CCDC85C: variants seen among roughly 807,000 people sequenced by gnomAD.
CCDC85C encodes the protein coiled-coil domain-containing protein 85C.
In CCDC85C, 18 loss-of-function variants were observed where a neutral mutation model predicts 38.3. The observed-to-expected ratio is 0.47, with a 90% CI of 0.33 to 0.70. CCDC85C has a LOEUF of 0.70. CCDC85C is among the 30% of genes least tolerant of loss of function. The pLI, the probability that CCDC85C is intolerant of heterozygous loss-of-function variation, is 0.03. For synonymous variants in CCDC85C, 264 were observed against 293.8 expected (o/e 0.90, Z 1.04); for missense variants, 566 against 621.2 (o/e 0.91, Z 0.94).
rs1395271036 is a variant in CCDC85C at position 99,503,666 on chromosome 14, T to C, written c.*11580A>G. ...GCAGGTAATTTCCTGTTCTGATGTT[T>C]TTTTAGTTTTATGTGTTTATATGCA... On this transcript the variant is annotated 3_prime_UTR_variant, in exon 6 of 6. Transcript: ENST00000380243. 2 of 1,548,756 alleles carry C rather than the reference T, an allele frequency of 1.3e-6. No homozygotes were observed. Among genetic ancestry groups the C allele is most frequent in the Non-Finnish European group, 1.7e-6 (2 of 1,144,550 alleles).
intron 2 of CCDC85C, chr14:99,522,508 AT>A: frequency 5.1e-5 from 16 of 316,100 alleles, no homozygotes; most frequent in South Asian, 1.3e-4. Context: ...GAATGAATGA[AT>A]GAAGAAGAGC....
At chr14:99,562,685 G>A (rs926325941) in intron 1 of CCDC85C, among the ~76,000 whole-genome samples, 2 of 152,188 alleles carry the variant, frequency 1.3e-5, no homozygotes, top group African/African-American at 4.8e-5. Flanking sequence ...CACGGAAACA[G>A]AAGGTCACAA....
intron 4 of CCDC85C, 53 bp downstream of exon 4, chr14:99,517,035 C>T: frequency 6.7e-7 from 1 of 1,491,030 alleles, no homozygotes; most frequent in Non-Finnish European, 9.2e-7. Flanking sequence ...CCCACAGTCT[C>T]ACAGTGCACC....
intron 1 of CCDC85C, among the ~76,000 whole-genome samples, chr14:99,587,070 C>T (rs2055035077): frequency 6.6e-6 from 1 of 152,226 alleles, no homozygotes. Flanking sequence ...CCCATCCCAC[C>T]ATCCTGAGGT....
At chr14:99,582,796 A>G (rs1422172420) in intron 1 of CCDC85C, among the ~76,000 whole-genome samples, 1 of 152,188 alleles carries the variant, frequency 6.6e-6, no homozygotes, top group Non-Finnish European at 1.5e-5. Flanking sequence ...CCTGGGTGAT[A>G]GAGCAAGACT....
chr14:99,577,677 C>T (rs1409722580), intron 1 of CCDC85C, among the ~76,000 whole-genome samples: 1 of 143,696 alleles, frequency 7.0e-6, no homozygotes, highest in Non-Finnish European at 1.5e-5. Context: ...CATCCCCCAT[C>T]AGTGTGTGTG....
chr14:99,500,906 C>G lies in CCDC85C; in HGVS notation c.*14340G>C, dbSNP rs560030876. 6.3e-6 allele frequency: 8 copies of G among 1,272,280 alleles called. No homozygotes were observed. The South Asian group carries it at 6.8e-5, about 11-fold the overall frequency. 78.8% of individuals were successfully genotyped at this position (1,272,280 alleles called of 1,614,324 possible). ...AAGTTTTCAGAAGAATTTTTTCATT[C>G]TGAAATCAAGTCTTTATAATTTGAT... is the stretch of plus-strand genomic sequence containing the variant. On this transcript the variant is annotated 3_prime_UTR_variant, in exon 6 of 6. Coordinates refer to ENST00000380243, the MANE Select transcript of CCDC85C (RefSeq NM_001144995.2).
chr14:99,501,252 G>GTATT lies in CCDC85C; in HGVS notation c.*13990_*13993dup, dbSNP rs1476982423. On this transcript the variant is annotated 3_prime_UTR_variant, in exon 6 of 6. Coordinates refer to ENST00000380243, the MANE Select transcript of CCDC85C (RefSeq NM_001144995.2). ...TTCCCACGCAAAAGCTCTTTGCTGTGTATTTGAGTGGTGCTGAACACGTGG... is the reference window on the plus strand; with the variant it reads ...TTCCCACGCAAAAGCTCTTTGCTGTGTATTTATTTGAGTGGTGCTGAACACGTGG... 5.3e-6 allele frequency: 4 copies of GTATT among 759,436 alleles called. No individual in the cohort carries two copies. The Admixed American group carries it at 7.9e-5, about 15-fold the overall frequency. 47.0% of individuals were successfully genotyped at this position (759,436 alleles called of 1,614,324 possible).
chr14:99,524,594 A>G (rs4905843), intron 2 of CCDC85C, among the ~76,000 whole-genome samples: 148,899 of 152,360 alleles, frequency 0.98, 72,848 homozygotes, highest in East Asian at 1. Context: ...CAGGAAAAAC[A>G]CACAATCTCT....
rs779034473 is a variant in CCDC85C at position 99,512,671 on chromosome 14, G to C, written c.*2575C>G. ...GAAGCCGAGTGCCAGTGCCGCGTCC[G>C]GCTTCAAGATCAAGAGTCAGAGCCT... On this transcript the variant is annotated 3_prime_UTR_variant, in exon 6 of 6. Coordinates refer to ENST00000380243, the MANE Select transcript of CCDC85C (RefSeq NM_001144995.2). 4 of 152,164 alleles carry C rather than the reference G, an allele frequency of 2.6e-5. No individual in the cohort carries two copies. The highest frequency in any genetic ancestry group is 1.3e-4 in the Admixed American group (2 of 15,278). 9.4% of individuals were successfully genotyped at this position (152,164 alleles called of 1,614,324 possible).
intron 1 of CCDC85C, among the ~76,000 whole-genome samples, chr14:99,538,725 C>T (rs1158448638): frequency 6.6e-6 from 1 of 152,254 alleles, no homozygotes; most frequent in African/African-American, 2.4e-5. Flanking sequence ...AGCACCTTCG[C>T]TGGGTGACCC....
chr14:99,572,360 C>T lies in CCDC85C; in HGVS notation c.793+30807G>A, dbSNP rs949284545. On this transcript the variant is annotated intron_variant, in intron 1 of 5. Coordinates refer to ENST00000380243, the MANE Select transcript of CCDC85C (RefSeq NM_001144995.2). This position sits in a 1 kb window ranked among gnomAD's most constrained non-coding sequence, Gnocchi z 4.4. ...AAGCTGTGGCATGTGGCCTTCCTCACGGGACACTGCGGGCGCTGCGGGCTA... is the reference window on the plus strand; with the variant it reads ...AAGCTGTGGCATGTGGCCTTCCTCATGGGACACTGCGGGCGCTGCGGGCTA... Among the ~76,000 whole-genome samples, 25 of 152,310 alleles carry T rather than the reference C, an allele frequency of 1.6e-4. No individual in the cohort carries two copies. The highest frequency in any genetic ancestry group is 7.7e-4 in the East Asian group (4 of 5,184).
At chr14:99,587,034 C>T (rs917850602) in intron 1 of CCDC85C, among the ~76,000 whole-genome samples, 4 of 152,224 alleles carry the variant, frequency 2.6e-5, no homozygotes, top group Non-Finnish European at 2.9e-5. Context: ...GCCAAGGTCC[C>T]GGCCAGGCCC....
At chr14:99,546,036 C>A (rs1016386263) in intron 1 of CCDC85C, among the ~76,000 whole-genome samples, 2 of 150,398 alleles carry the variant, frequency 1.3e-5, no homozygotes, top group African/African-American at 5.0e-5. Context: ...TGCAACTAAT[C>A]GCGCAGGACT....
At chr14:99,526,605 G>A (rs1159785969) in intron 2 of CCDC85C, among the ~76,000 whole-genome samples, 2 of 151,824 alleles carry the variant, frequency 1.3e-5, no homozygotes, top group Non-Finnish European at 2.9e-5. Context: ...AAGAGGAAGT[G>A]GGGGCAAGGC....
Position 99,503,399 on chromosome 14 carries a change from G to A in CCDC85C, c.*11847C>T, listed in dbSNP as rs1029629841. 5.0e-6 allele frequency: 3 copies of A among 604,926 alleles called. No individual in the cohort carries two copies. In the African/African-American group the frequency reaches 5.6e-5, roughly 11 times the overall value. 37.5% of individuals were successfully genotyped at this position (604,926 alleles called of 1,614,324 possible). A position where few individuals can be genotyped will look rare whatever the true frequency, so the allele number is the denominator to read the frequency against. ...ACCATTCAGGAAAGCTAGTCATTCTGTCTTATTTGGTAAATGGAAAGAGGA... is the reference window on the plus strand; with the variant it reads ...ACCATTCAGGAAAGCTAGTCATTCTATCTTATTTGGTAAATGGAAAGAGGA... On this transcript the variant is annotated 3_prime_UTR_variant, in exon 6 of 6. Transcript: ENST00000380243.
intron 3 of CCDC85C, among the ~76,000 whole-genome samples, chr14:99,519,421 T>A (rs1291540786): frequency 6.6e-6 from 1 of 151,928 alleles, no homozygotes; most frequent in African/African-American, 2.4e-5. Flanking sequence ...CTGGCCTACA[T>A]GCCCACTTTA....
chr14:99,554,737 G>A (rs1897978424), intron 1 of CCDC85C, among the ~76,000 whole-genome samples: 1 of 152,222 alleles, frequency 6.6e-6, no homozygotes, highest in Non-Finnish European at 1.5e-5. Context: ...GGGCATGCCT[G>A]AGGTCCCACC....
In CCDC85C at chr14:99,520,104, G is replaced by A. The variant is rs1268855884; in HGVS notation, c.975+2029C>T. On this transcript the variant is annotated intron_variant, in intron 3 of 5. Coordinates refer to ENST00000380243, the MANE Select transcript of CCDC85C (RefSeq NM_001144995.2). This position sits in a 1 kb window ranked among gnomAD's most constrained non-coding sequence, Gnocchi z 4.1. ...GGGCAGCAGTGGGCAGGGAGGGGGT[G>A]TCCACCCCAGAGAGTCACCTGCTTT... Among the ~76,000 whole-genome samples the A allele has an allele frequency of 6.6e-6, 1 of 152,172 alleles. No homozygotes were observed. The highest frequency in any genetic ancestry group is 2.4e-5 in the African/African-American group (1 of 41,434).
Sources: allele counts gnomAD v4.1 joint callset (sites outside exome capture counted in the v4.1 genomes callset), GRCh38; gene constraint gnomAD v4.1.1; non-coding constraint Gnocchi (gnomAD v3.1); transcripts MANE v1.5; gene names NCBI Gene and HGNC (gene_info 2026-07-23, HGNC 2026-07-21).